Variants in NOTCH1 observed in about 807,000 individuals in gnomAD.
NOTCH1 encodes neurogenic locus notch homolog protein 1.
A neutral mutation model predicts 254.8 loss-of-function variants in NOTCH1; 37 were observed. The ratio of observed to expected loss-of-function variants is 0.15; its 90% CI spans 0.11 to 0.19. The LOEUF (loss-of-function observed/expected upper bound fraction) is 0.19, where lower values mean the gene tolerates loss of function less well. Among genes scored for constraint, NOTCH1 ranks in the 10% least tolerant of loss-of-function variants. The probability of loss-of-function intolerance (pLI) is 1.00; values close to 1 mark genes in which losing one functional copy is unlikely to be tolerated. For missense variants in NOTCH1, 2,972 were observed against 3,708.6 expected (o/e 0.80, Z 5.16); for synonymous variants, 1,731 against 1,618.1 (o/e 1.07, Z -1.68).
chr9:136,500,271 C>T (rs975955818), intron 31 of NOTCH1, among the ~76,000 whole-genome samples: 3 of 152,230 alleles, frequency 2.0e-5, no homozygotes, highest in African/African-American at 7.2e-5. Context: ...CCTGATGGAG[C>T]CTGTTTTGCT....
At chr9:136,542,162 G>A (rs1221544995) in intron 2 of NOTCH1, among the ~76,000 whole-genome samples, 2 of 152,198 alleles carry the variant, frequency 1.3e-5, no homozygotes, top group African/African-American at 4.8e-5. Context: ...CTCTGGCCCA[G>A]GGAGACCTCA....
At chr9:136,535,884 TGGGTGG>T (rs1843646017) in intron 2 of NOTCH1, among the ~76,000 whole-genome samples, 1 of 23,506 alleles carries the variant, frequency 4.3e-5, no homozygotes, top group African/African-American at 2.3e-4. Flanking sequence ...AGGGTGGGAG[TGGGTGG>T]AGGGGGGAGC....
intron 15 of NOTCH1, among the ~76,000 whole-genome samples, chr9:136,512,702 G>A (rs1843200106): frequency 6.6e-6 from 1 of 152,210 alleles, no homozygotes; most frequent in Non-Finnish European, 1.5e-5. Flanking sequence ...CCTGTGTCTT[G>A]CGGCAGGCTT....
chr9:136,532,608 T>C (rs1003106314), intron 2 of NOTCH1, among the ~76,000 whole-genome samples: 1 of 152,152 alleles, frequency 6.6e-6, no homozygotes, highest in South Asian at 2.1e-4. Context: ...ACAGCCGCCA[T>C]GACTCCGTAG....
At position 136,497,330 on chromosome 9, in the gene NOTCH1, G is replaced by A. The variant is rs372698234; in HGVS notation, c.6409C>T (p.Pro2137Ser). Reference sequence around the variant, plus strand: ...TAGCCGTTGGGCGAGCAGAGCGGGGGCGACAGGGTGGGCGTGCCCCCCAGC... The same window carrying A: ...TAGCCGTTGGGCGAGCAGAGCGGGGACGACAGGGTGGGCGTGCCCCCCAGC... ...APLGGTPTLS[P>S]PLCSPNGYLG... The change falls in exon 34 of 34, where the codon CCC (proline) becomes TCC (serine). Residue 2137 changes from proline to serine, a missense_variant. Around this residue, in one of 8 missense-constraint regions of NOTCH1, gnomAD observed 529 missense variants for 529.2 expected, o/e 1.00. Transcript: ENST00000651671. 126 of 1,606,268 alleles carry A rather than the reference G, an allele frequency of 7.8e-5. No homozygotes were observed. In the African/African-American group the frequency reaches 1.5e-3, roughly 19 times the overall value.
Position 136,499,140 on chromosome 9 carries a change from G to C in NOTCH1, c.6054C>G (p.His2018Gln), listed in dbSNP as rs202198360. Residue 2018 changes from histidine (H) to glutamine (Q), a missense_variant, in exon 32 of 34, where the codon CAC becomes CAG. Transcript: ENST00000651671. Reference protein sequence around the residue: ...EGMLEDLINSHADVNAVDDLG... With the variant: ...EGMLEDLINSQADVNAVDDLG... ...GGTCATCTACGGCGTTGACGTCGGCGTGTGAGTTGATGAGGTCCTCCAGCA... is the reference window on the plus strand; with the variant it reads ...GGTCATCTACGGCGTTGACGTCGGCCTGTGAGTTGATGAGGTCCTCCAGCA... 6.2e-7 allele frequency: 1 copy of C among 1,613,268 alleles called. No individual in the cohort carries two copies. Among genetic ancestry groups the C allele is most frequent in the Non-Finnish European group, 8.5e-7 (1 of 1,179,998 alleles).
chr9:136,528,803 G>A (rs947600802), intron 2 of NOTCH1, among the ~76,000 whole-genome samples: 1 of 152,056 alleles, frequency 6.6e-6, no homozygotes, highest in African/African-American at 2.4e-5. Flanking sequence ...AGGGTCCCCT[G>A]GCAGCAGTGT....
intron 17 of NOTCH1, 22 bp downstream of exon 17, chr9:136,510,631 C>A (rs1044730397): frequency 1.3e-6 from 2 of 1,597,236 alleles, no homozygotes; most frequent in Non-Finnish European, 1.7e-6. Context: ...CTGGAGGAGG[C>A]CAGAGCCGCG....
At chr9:136,505,140 C>CG (rs1843060092) in intron 25 of NOTCH1, 36 bp from the exon 26 acceptor site, 4 of 1,585,188 alleles carry the variant, frequency 2.5e-6, no homozygotes, top group Admixed American at 1.7e-5. Context: ...CCGCCTTCCT[C>CG]GGGGGGCCTC....
rs764803362 is a variant in NOTCH1, at chr9:136,522,831, G to A, written c.742+19C>T. On this transcript the variant is annotated intron_variant, in intron 4 of 33. Coordinates refer to ENST00000651671, the MANE Select transcript of NOTCH1 (RefSeq NM_017617.5). ...AGCCGGGGAGGGGCTCGTGCACCCC[G>A]GCCAGCGGGCAGCACTACCTGGCAG... 17 of 1,464,540 alleles carry A rather than the reference G, an allele frequency of 1.2e-5. No individual in the cohort carries two copies. Among genetic ancestry groups the A allele is most frequent in the South Asian group, 6.9e-5 (5 of 72,346 alleles). The allele number at this position is 1,464,540 out of a possible 1,614,324, so 90.7% of individuals were successfully genotyped here. A position where few individuals can be genotyped will look rare whatever the true frequency, so the allele number is the denominator to read the frequency against.
chr9:136,511,116 C>T (rs757002651), intron 16 of NOTCH1, 36 bp downstream of exon 16: 13 of 1,612,854 alleles, frequency 8.1e-6, no homozygotes, highest in Non-Finnish European at 1.1e-5. Flanking sequence ...TCCTGACCTC[C>T]CATCCCAGCC....
At position 136,519,523 on chromosome 9, in the gene NOTCH1, G is replaced by A; in HGVS notation, c.785C>T (p.Pro262Leu). ...ACCCCCGTTCTTGCAGTTGTTTCCT[G>A]GACAATCGTCGATATTTTCCTCACA... is the stretch of plus-strand genomic sequence containing the variant. ...QNCEENIDDC[P>L]GNNCKNGGAC... is the part of the protein sequence containing the mutation. Residue 262 changes from proline (P) to leucine (L), a missense_variant, in exon 5 of 34, where the codon CCA becomes CTA. Coordinates refer to ENST00000651671, the MANE Select transcript of NOTCH1 (RefSeq NM_017617.5). The A allele has an allele frequency of 6.2e-7, 1 of 1,613,032 alleles. No individual in the cohort carries two copies. The highest frequency in any genetic ancestry group is 1.1e-5 in the South Asian group (1 of 91,092).
intron 6 of NOTCH1, 103 bp from the exon 7 acceptor site, chr9:136,518,395 C>T (rs1843312450): frequency 6.1e-6 from 9 of 1,464,920 alleles, no homozygotes; most frequent in Admixed American, 3.9e-5. Flanking sequence ...AGGAGCTGCC[C>T]GCCGTGACCC....
rs776185489 is a variant in NOTCH1 at position 136,515,538 on chromosome 9, G to A, written c.1848C>T (p.Gly616=). 1.2e-6 allele frequency: 2 copies of A among 1,611,656 alleles called. No homozygotes were observed. The highest frequency in any genetic ancestry group is 1.7e-6 in the Non-Finnish European group (2 of 1,179,826). ...AGGCGTTGTCGCGGTCCTGGCAGGT[G>A]CCCCCGTGGCGGCAGGGCTGGCTGG... ...ECSSQPCRHG[G]TCQDRDNAYL... Residue 616 remains glycine (G), a synonymous_variant, in exon 11 of 34, where the codon GGC becomes GGT. Coordinates refer to ENST00000651671, the MANE Select transcript of NOTCH1 (RefSeq NM_017617.5).
Position 136,500,861 on chromosome 9 carries a change from G to A in NOTCH1, c.5639-14C>T, listed in dbSNP as rs770070044. ...GGGTGAAGCCATCTGCAGAGGCAGA[G>A]ACGGGTGCTCAGTCTGGAGGGCCGG... On this transcript the variant is annotated splice_polypyrimidine_tract_variant and intron_variant, in intron 30 of 33. Coordinates refer to ENST00000651671, the MANE Select transcript of NOTCH1 (RefSeq NM_017617.5). 8.2e-6 allele frequency: 13 copies of A among 1,578,574 alleles called. No homozygotes were observed. In the African/African-American group the frequency reaches 1.7e-4, roughly 21 times the overall value.
chr9:136,517,061 G>A (rs1020200452), intron 9 of NOTCH1, among the ~76,000 whole-genome samples: 1 of 150,536 alleles, frequency 6.6e-6, no homozygotes, highest in Admixed American at 6.6e-5. Context: ...GGGTGCAGAC[G>A]GCCCAGGAGC....
chr9:136,538,398 G>T (rs1462646706), intron 2 of NOTCH1, among the ~76,000 whole-genome samples: 1 of 152,188 alleles, frequency 6.6e-6, no homozygotes, highest in Non-Finnish European at 1.5e-5. Context: ...AGTTGGAAGG[G>T]GAATCACATA....
In NOTCH1 at chr9:136,524,033, C is replaced by T. The variant is rs1478835253; in HGVS notation, c.141-54G>A. On this transcript the variant is annotated intron_variant, in intron 2 of 33. Coordinates refer to ENST00000651671, the MANE Select transcript of NOTCH1 (RefSeq NM_017617.5). ...TTCCCACCTGCTTCCCCAGCGCCCC[C>T]GCCACTCAGCACCGGGAACCTGTCA... The T allele has an allele frequency of 1.3e-4, 194 of 1,532,748 alleles. 1 individual carries two copies. Among genetic ancestry groups the T allele is most frequent in the Non-Finnish European group, 1.6e-4 (185 of 1,144,072 alleles). 94.9% of individuals were successfully genotyped at this position (1,532,748 alleles called of 1,614,324 possible).
intron 18 of NOTCH1, among the ~76,000 whole-genome samples, 200 bp downstream of exon 18, chr9:136,509,533 T>C (rs1298566845): frequency 1.3e-5 from 2 of 152,290 alleles, no homozygotes; most frequent in Non-Finnish European, 2.9e-5. Context: ...GCGCTCCTGG[T>C]GCGGGACACA....
Sources: gnomAD v4.1 joint callset for allele counts (sites outside exome capture counted in the v4.1 genomes callset) on GRCh38, gnomAD v4.1.1 for gene constraint, gnomAD v4.1.1 regional missense constraint, MANE v1.5 for transcripts, NCBI Gene and HGNC (gene_info 2026-07-23, HGNC 2026-07-21) for gene names.